The following SLC9C1 variants were observed in gnomAD, a reference collection of about 807,000 sequenced individuals.
SLC9C1 encodes the protein solute carrier family 9 member C1.
A neutral mutation model predicts 140.9 loss-of-function variants in SLC9C1; 97 were observed. The observed-to-expected ratio is 0.69, with a 90% CI of 0.58 to 0.82. The LOEUF is 0.82. SLC9C1 is among the 40% of genes least tolerant of loss of function. The pLI is 0.00. For synonymous variants in SLC9C1, 440 were observed against 442.6 expected (o/e 0.99, Z 0.07); for missense variants, 1,340 against 1,389.3 (o/e 0.96, Z 0.56).
chr3:112,173,652 T>C, intron 23 of SLC9C1, among the ~76,000 whole-genome samples: 1 of 152,252 alleles, frequency 6.6e-6, no homozygotes, highest in East Asian at 1.9e-4. Flanking sequence ...ATGGTGTGTA[T>C]GTACCACATT....
chr3:112,179,417 T>C, intron 23 of SLC9C1, 114 bp downstream of exon 23: 1 of 1,224,428 alleles, frequency 8.2e-7, no homozygotes, highest in Non-Finnish European at 1.1e-6. Flanking sequence ...AATTCCTAGT[T>C]TTTAAAAGTA....
chr3:112,180,114 G>T (rs1230661007), intron 22 of SLC9C1, among the ~76,000 whole-genome samples: 1 of 152,166 alleles, frequency 6.6e-6, no homozygotes, highest in African/African-American at 2.4e-5. Flanking sequence ...TTTATCATTA[G>T]ATGGTAGTCA....
At position 112,167,415 on chromosome 3, in the gene SLC9C1, G is replaced by T. The variant is rs539008633; in HGVS notation, c.3238-68C>A. 10 of 1,464,314 alleles carry T rather than the reference G, an allele frequency of 6.8e-6. No homozygotes were observed. In the Admixed American group the frequency reaches 2.5e-4, roughly 36 times the overall value. The allele number at this position is 1,464,314 out of a possible 1,614,324, so 90.7% of individuals were successfully genotyped here. ...CTACAATTAAAAATTTACCTAGTAA[G>T]CTGCTATTTCTGGCTTTCTCTAGGT... On this transcript the variant is annotated intron_variant, in intron 25 of 28. Coordinates refer to ENST00000305815, the MANE Select transcript of SLC9C1 (RefSeq NM_183061.3).
At chr3:112,202,850 C>G (rs577143785) in intron 17 of SLC9C1, among the ~76,000 whole-genome samples, 1 of 152,070 alleles carries the variant, frequency 6.6e-6, no homozygotes, top group South Asian at 2.1e-4. Context: ...AAATTAACTT[C>G]ACTTCTCTCT....
Position 112,262,909 on chromosome 3 carries a change from T to C in SLC9C1, c.1197+15A>G. 1 of 1,549,582 alleles carries C rather than the reference T, an allele frequency of 6.5e-7. No homozygotes were observed. Among genetic ancestry groups the C allele is most frequent in the Non-Finnish European group, 8.7e-7 (1 of 1,155,902 alleles). ...TTTATACAATATTCAGATAAGAAAATACAGCTTTCTTTACTTGAGATTTTT... is the reference window on the plus strand; with the variant it reads ...TTTATACAATATTCAGATAAGAAAACACAGCTTTCTTTACTTGAGATTTTT... On this transcript the variant is annotated intron_variant, in intron 10 of 28. Transcript: ENST00000305815.
rs970560291 is a variant in SLC9C1, at chr3:112,168,753, G to C, written c.3237+124C>G. ...GGGTATGAGTGAGTGTTTATGGAGT[G>C]GTGGGAAAAGGGAGAAGATTGGAAG... On this transcript the variant is annotated intron_variant, in intron 25 of 28. Transcript: ENST00000305815. 27 of 890,524 alleles carry C rather than the reference G, an allele frequency of 3.0e-5. No individual in the cohort carries two copies. The African/African-American group carries it at 4.1e-4, about 13-fold the overall frequency. The allele number at this position is 890,524 out of a possible 1,614,324, so 55.2% of individuals were successfully genotyped here. A position where few individuals can be genotyped will look rare whatever the true frequency, so the allele number is the denominator to read the frequency against.
intron 15 of SLC9C1, among the ~76,000 whole-genome samples, chr3:112,209,548 T>A (rs972981425): frequency 1.3e-5 from 2 of 152,032 alleles, no homozygotes; most frequent in African/African-American, 4.8e-5. Flanking sequence ...AAGGAAGAAG[T>A]AAAATGGTCT....
intron 10 of SLC9C1, among the ~76,000 whole-genome samples, chr3:112,250,524 C>T (rs984520713): frequency 2.1e-4 from 31 of 150,086 alleles, no homozygotes; most frequent in African/African-American, 7.1e-4. Context: ...TTTACAGTCC[C>T]ACCAACAGTG....
intron 5 of SLC9C1, among the ~76,000 whole-genome samples, chr3:112,275,425 C>T (rs186819315): frequency 3.9e-5 from 6 of 152,266 alleles, no homozygotes; most frequent in Admixed American, 2.6e-4. Context: ...CAGTTATTCA[C>T]ATAATCTAGC....
chr3:112,223,469 T>C (rs1433781849), intron 13 of SLC9C1, among the ~76,000 whole-genome samples: 1 of 152,200 alleles, frequency 6.6e-6, no homozygotes, highest in Non-Finnish European at 1.5e-5. Flanking sequence ...TAAAAGTACA[T>C]CTATAGTTAA....
At position 112,275,084 on chromosome 3, in the gene SLC9C1, T is replaced by C. The variant is rs1001119079; in HGVS notation, c.485-59A>G. On this transcript the variant is annotated intron_variant, in intron 5 of 28. Coordinates refer to ENST00000305815, the MANE Select transcript of SLC9C1 (RefSeq NM_183061.3). ...AGTGAGAAAAACATTAAAAATTAAATGTTAAAGAATACAATTTTCTTAGCA... is the reference window on the plus strand; with the variant it reads ...AGTGAGAAAAACATTAAAAATTAAACGTTAAAGAATACAATTTTCTTAGCA... 4.7e-6 allele frequency: 7 copies of C among 1,482,880 alleles called. No homozygotes were observed. The South Asian group carries it at 5.5e-5, about 12-fold the overall frequency. The allele number at this position is 1,482,880 out of a possible 1,614,324, so 91.9% of individuals were successfully genotyped here.
chr3:112,217,648 G>T, intron 14 of SLC9C1, 87 bp from the exon 15 acceptor site: 1 of 1,195,728 alleles, frequency 8.4e-7, no homozygotes, highest in Non-Finnish European at 1.1e-6. Flanking sequence ...TTGTACATAA[G>T]TTTAATTTTG....
rs777541570 is a variant in SLC9C1, at chr3:112,169,051, G to A, written c.3063C>T (p.Tyr1021=). The change falls in exon 25 of 29, where the codon TAC becomes TAT. Residue 1021 remains tyrosine (Y), a synonymous_variant. Coordinates refer to ENST00000305815, the MANE Select transcript of SLC9C1 (RefSeq NM_183061.3). ...REHLSYEDWN[Y]NMQLKLSNIY... ...TATTAGAGAGCTTTAGTTGCATATT[G>A]TAGTTCCAATCCTGTTTTAGAAAAC... 1.3e-6 allele frequency: 2 copies of A among 1,591,450 alleles called. No individual in the cohort carries two copies. The highest frequency in any genetic ancestry group is 1.7e-6 in the Non-Finnish European group (2 of 1,172,082).
chr3:112,221,206 T>C lies in SLC9C1; in HGVS notation c.1592A>G (p.Tyr531Cys). ...ACTCTGGGACAGAATCTCATTCCTG[T>C]ATTGTCTCTGGTAGCTTGCCTAAAA... Reference protein sequence around the residue: ...SAQIASYQRQYRNEILSQSAV... With the variant: ...SAQIASYQRQCRNEILSQSAV... The change falls in exon 14 of 29, where the codon TAC becomes TGC. Residue 531 changes from tyrosine to cysteine, a missense_variant. Physicochemically the swap from Tyr to Cys is radical, Grantham distance 194. Transcript: ENST00000305815. The C allele has an allele frequency of 6.2e-7, 1 of 1,613,626 alleles. No individual in the cohort carries two copies. The highest frequency in any genetic ancestry group is 8.5e-7 in the Non-Finnish European group (1 of 1,179,710).
In SLC9C1 at chr3:112,150,841, T is replaced by TATATA. The variant is rs1491261631; in HGVS notation, c.3524+1015_3524+1016insTATAT. 9.5e-4 allele frequency among the ~76,000 whole-genome samples: 33 copies of TATATA among 34,558 alleles called. 1 individual carries two copies. Among genetic ancestry groups the TATATA allele is most frequent in the African/African-American group, 5.1e-3 (29 of 5,728 alleles). The allele number at this position is 34,558 out of a possible 152,430, so 22.7% of individuals were successfully genotyped here. A position where few individuals can be genotyped will look rare whatever the true frequency, so the allele number is the denominator to read the frequency against. On this transcript the variant is annotated intron_variant, in intron 28 of 28. Coordinates refer to ENST00000305815, the MANE Select transcript of SLC9C1 (RefSeq NM_183061.3). ...ATATACATATATATATATATATATA[T>TATATA]TTTTTTTTTTTTTTGAGATGAAGTC...
At chr3:112,141,712 A>G (rs943666376) in intron 28 of SLC9C1, among the ~76,000 whole-genome samples, 3 of 152,210 alleles carry the variant, frequency 2.0e-5, no homozygotes, top group Non-Finnish European at 4.4e-5. Context: ...TTATATTTCA[A>G]TAATGTTTAA....
At chr3:112,200,649 T>C (rs2077883113) in intron 19 of SLC9C1, 62 bp downstream of exon 19, 2 of 1,468,398 alleles carry the variant, frequency 1.4e-6, no homozygotes, top group Non-Finnish European at 1.9e-6. Context: ...ATGAAAACCA[T>C]TGCCTTTCTG....
intron 13 of SLC9C1, among the ~76,000 whole-genome samples, chr3:112,224,945 T>A (rs774350093): frequency 6.6e-6 from 1 of 151,136 alleles, no homozygotes; most frequent in African/African-American, 2.4e-5. Flanking sequence ...GGAGAAGAGA[T>A]GGGAAAAGGC....
intron 13 of SLC9C1, among the ~76,000 whole-genome samples, chr3:112,228,858 A>C (rs962504993): frequency 6.6e-6 from 1 of 152,090 alleles, no homozygotes; most frequent in Non-Finnish European, 1.5e-5. Context: ...GCTAGAATAC[A>C]ATGTTTATAT....
Sources: allele counts gnomAD v4.1 joint callset (sites outside exome capture counted in the v4.1 genomes callset), GRCh38; gene constraint gnomAD v4.1.1; transcripts MANE v1.5; gene names NCBI Gene and HGNC (gene_info 2026-07-23, HGNC 2026-07-21).